NLRC3: variants seen among roughly 807,000 people sequenced by gnomAD.
NLRC3 encodes the protein NLR family CARD domain-containing protein 3.
A neutral mutation model predicts 91.6 loss-of-function variants in NLRC3; 87 were observed. The observed-to-expected ratio is 0.95, with a 90% CI of 0.80 to 1.14. The LOEUF (loss-of-function observed/expected upper bound fraction) is 1.14, where lower values mean the gene tolerates loss of function less well. Among genes scored for constraint, NLRC3 ranks in the 50% most tolerant of loss-of-function variants. The pLI is 0.00. For synonymous variants in NLRC3, 694 were observed against 625.3 expected (o/e 1.11, Z -1.64); for missense variants, 1,577 against 1,418.6 (o/e 1.11, Z -1.79).
chr16:3,561,179 G>A (rs558111790), intron 6 of NLRC3, among the ~76,000 whole-genome samples: 6 of 151,776 alleles, frequency 4.0e-5, no homozygotes, highest in Non-Finnish European at 8.8e-5. Flanking sequence ...GTGAAACCCT[G>A]TCTCTACTAA....
intron 14 of NLRC3, 68 bp downstream of exon 14, chr16:3,548,602 T>C (rs1417701615): frequency 3.4e-6 from 4 of 1,176,082 alleles, no homozygotes; most frequent in East Asian, 2.6e-5. Flanking sequence ...CTGTGCATCG[T>C]TGGTTTGGGT....
At chr16:3,566,589 G>A (rs1231619379) in intron 2 of NLRC3, among the ~76,000 whole-genome samples, 1 of 152,206 alleles carries the variant, frequency 6.6e-6, no homozygotes, top group Non-Finnish European at 1.5e-5. Context: ...GCCAAGTGTG[G>A]CAGCACATGC....
Position 3,564,085 on chromosome 16 carries a change from C to CTTT in NLRC3, c.851_852insAAA (p.Thr284_Glu285insLys), listed in dbSNP as rs768963311. 6.8e-6 allele frequency: 11 copies of CTTT among 1,613,344 alleles called. No individual in the cohort carries two copies. The highest frequency in any genetic ancestry group is 9.3e-6 in the Non-Finnish European group (11 of 1,179,882). ...CCTCCTCGTTAAAGCCCCGGATCTC[C>CTTT]GTCATCCGGTCCACCAGGCCCCCTG... is the stretch of plus-strand genomic sequence containing the variant. On this transcript the variant is annotated inframe_insertion, in exon 5 of 20. Transcript: ENST00000359128. This position sits in a 1 kb window ranked among gnomAD's most constrained non-coding sequence, Gnocchi z 5.9.
At position 3,549,552 on chromosome 16, in the gene NLRC3, C is replaced by A; in HGVS notation, c.2519+145G>T. The A allele has an allele frequency of 1.3e-5, 9 of 694,988 alleles. No homozygotes were observed. The South Asian group carries it at 1.4e-4, about 11-fold the overall frequency. The allele number at this position is 694,988 out of a possible 1,614,324, so 43.1% of individuals were successfully genotyped here. A position where few individuals can be genotyped will look rare whatever the true frequency, so the allele number is the denominator to read the frequency against. On this transcript the variant is annotated intron_variant, in intron 12 of 19. Transcript: ENST00000359128. ...GCGGGCAGCAGCTATCCCCTGCACC[C>A]CAAGAGAGCAGGAAAAGGGCCAGGC...
intron 2 of NLRC3, among the ~76,000 whole-genome samples, chr16:3,566,352 A>T: frequency 6.6e-6 from 1 of 152,016 alleles, no homozygotes. Flanking sequence ...GCACTTTGGG[A>T]GGTCGAGGCG....
At chr16:3,555,614 G>A (rs2039268278) in intron 8 of NLRC3, among the ~76,000 whole-genome samples, 1 of 152,122 alleles carries the variant, frequency 6.6e-6, no homozygotes, top group African/African-American at 2.4e-5. Flanking sequence ...CTGTCGCCCA[G>A]GCTGGAGTGC....
intron 15 of NLRC3, 114 bp downstream of exon 15, chr16:3,548,021 G>T (rs2038787031): frequency 2.9e-6 from 2 of 695,724 alleles, no homozygotes; most frequent in Non-Finnish European, 5.0e-6. Context: ...TGGCCTTAGG[G>T]AAGAGGAGTG....
chr16:3,561,978 C>T (rs185705290), intron 5 of NLRC3, among the ~76,000 whole-genome samples, 190 bp from the exon 6 acceptor site: 10 of 152,286 alleles, frequency 6.6e-5, no homozygotes, highest in Admixed American at 5.9e-4. Context: ...ACGAGACCTG[C>T]GGTTCCTGTG....
chr16:3,550,000 C>T (rs2038911358), intron 11 of NLRC3, among the ~76,000 whole-genome samples: 1 of 152,150 alleles, frequency 6.6e-6, no homozygotes, highest in African/African-American at 2.4e-5. Flanking sequence ...ACAACAAACC[C>T]CCAAATGTAG....
intron 1 of NLRC3, among the ~76,000 whole-genome samples, chr16:3,573,290 G>A (rs1304881803): frequency 1.3e-5 from 2 of 151,838 alleles, no homozygotes; most frequent in East Asian, 1.9e-4. Context: ...AGCTGAGCAC[G>A]GTGGCGCATG....
At chr16:3,543,192 C>T in intron 17 of NLRC3, 1 of 527,058 alleles carries the variant, frequency 1.9e-6, no homozygotes, top group Non-Finnish European at 3.4e-6. Context: ...GACCCATAAA[C>T]CAGGCCTCTA....
At chr16:3,560,240 T>C (rs1319700341) in intron 6 of NLRC3, among the ~76,000 whole-genome samples, 2 of 151,914 alleles carry the variant, frequency 1.3e-5, no homozygotes, top group African/African-American at 4.8e-5. Flanking sequence ...TAAAGTAATA[T>C]AGTGAAACCC....
In NLRC3 at chr16:3,565,097, C is replaced by T. The variant is rs756939505; in HGVS notation, c.-24-37G>A. ...GGGCCTGAACCTGCTGCCTGCCGTG[C>T]CCCCCATCCAGCAGCCTGGGACAGG... is the stretch of plus-strand genomic sequence containing the variant. On this transcript the variant is annotated intron_variant, in intron 3 of 19. Coordinates refer to ENST00000359128, the MANE Select transcript of NLRC3 (RefSeq NM_178844.4). 4.0e-6 allele frequency: 6 copies of T among 1,506,088 alleles called. No homozygotes were observed. In the African/African-American group the frequency reaches 5.5e-5, roughly 14 times the overall value. The allele number at this position is 1,506,088 out of a possible 1,614,324, so 93.3% of individuals were successfully genotyped here.
At position 3,564,575 on chromosome 16, in the gene NLRC3, G is replaced by T; in HGVS notation, c.362C>A (p.Thr121Asn). 6.2e-7 allele frequency: 1 copy of T among 1,611,700 alleles called. No homozygotes were observed. Among genetic ancestry groups the T allele is most frequent in the Middle Eastern group, 1.7e-4 (1 of 6,060 alleles). ...CAGGAAGAGCCGGTCCAGGGCGACG[G>T]TCCTGGCGGGGTGCCCGCCCCCGCG... is the stretch of plus-strand genomic sequence containing the variant. ...ATRGGGHPAR[T>N]VALDRLFLPL... is the part of the protein sequence containing the mutation. The change falls in exon 5 of 20, where the codon ACC (threonine) becomes AAC (asparagine). Residue 121 changes from threonine (T) to asparagine (N), a missense_variant. Thr to Asn is a moderately conservative substitution (Grantham distance 65). Transcript: ENST00000359128. The surrounding 1 kb of genome is among the most constrained non-coding windows in gnomAD (Gnocchi z 5.9).
intron 1 of NLRC3, among the ~76,000 whole-genome samples, chr16:3,574,347 T>C (rs1388732459): frequency 6.6e-6 from 1 of 151,952 alleles, no homozygotes; most frequent in East Asian, 1.9e-4. Flanking sequence ...AGAGATTTGA[T>C]TGGTCTGGCA....
chr16:3,544,202 CG>C, intron 16 of NLRC3, 43 bp downstream of exon 16: 1 of 1,190,868 alleles, frequency 8.4e-7, no homozygotes, highest in Non-Finnish European at 1.2e-6. Flanking sequence ...GAAAGGATGG[CG>C]AAGGGACCGG....
At chr16:3,567,890 G>A (rs2039946146) in intron 1 of NLRC3, among the ~76,000 whole-genome samples, 1 of 149,924 alleles carries the variant, frequency 6.7e-6, no homozygotes, top group African/African-American at 2.5e-5. Context: ...TTTTTGAGAC[G>A]GAGTCTGCTG....
intron 12 of NLRC3, 70 bp from the exon 13 acceptor site, chr16:3,549,295 G>T: frequency 8.6e-7 from 1 of 1,161,670 alleles, no homozygotes; most frequent in South Asian, 1.3e-5. Context: ...AAGCCCAGGT[G>T]TTTAGGCTTC....
At position 3,539,431 on chromosome 16, in the gene NLRC3, C is replaced by A. The variant is rs937245394; in HGVS notation, c.*2394G>T. ...CCTGACGACAGACTGAACTCCTTAA[C>A]CATTTCAGACAGCTTGAAGATGTAT... On this transcript the variant is annotated 3_prime_UTR_variant, in exon 20 of 20. Transcript: ENST00000359128. The A allele has an allele frequency of 2.0e-5, 3 of 152,236 alleles. No individual in the cohort carries two copies. The highest frequency in any genetic ancestry group is 2.9e-5 in the Non-Finnish European group (2 of 68,050). The allele number at this position is 152,236 out of a possible 1,614,324, so 9.4% of individuals were successfully genotyped here.
Sources: gnomAD v4.1 joint callset for allele counts (sites outside exome capture counted in the v4.1 genomes callset) on GRCh38, gnomAD v4.1.1 for gene constraint, Gnocchi (gnomAD v3.1) non-coding constraint, MANE v1.5 for transcripts, NCBI Gene and HGNC (gene_info 2026-07-23, HGNC 2026-07-21) for gene names.